LONRF1: variants seen among roughly 807,000 people sequenced by gnomAD.
The protein encoded by LONRF1 is LON peptidase N-terminal domain and ring finger 1.
Under a neutral mutation model 85.8 loss-of-function variants are expected in LONRF1, and 37 were observed. The ratio of observed to expected loss-of-function variants is 0.43; its 90% CI spans 0.33 to 0.57. The LOEUF (loss-of-function observed/expected upper bound fraction) is 0.57. LONRF1 is among the 20% of genes least tolerant of loss of function. The pLI, the probability that LONRF1 is intolerant of heterozygous loss-of-function variation, is 0.04. For synonymous variants in LONRF1, 517 were observed against 390.1 expected (o/e 1.33, Z -3.83); for missense variants, 1,036 against 978.0 (o/e 1.06, Z -0.79).
chr8:12,745,518 T>G (rs1403842704), intron 1 of LONRF1, among the ~76,000 whole-genome samples: 1 of 152,146 alleles, frequency 6.6e-6, no homozygotes, highest in Non-Finnish European at 1.5e-5. Flanking sequence ...TGGCTATCAG[T>G]CCTGACTGTA....
In LONRF1 at chr8:12,736,996, G is replaced by T; in HGVS notation, c.1258C>A (p.Gln420Lys). 3 of 1,613,324 alleles carry T rather than the reference G, an allele frequency of 1.9e-6. No individual in the cohort carries two copies. The highest frequency in any genetic ancestry group is 2.5e-6 in the Non-Finnish European group (3 of 1,179,664). Residue 420 changes from glutamine to lysine, a missense_variant, in exon 5 of 12, where the codon CAA becomes AAA. Gln to Lys is a moderately conservative substitution (Grantham distance 53). Around this residue, in one of 3 missense-constraint regions of LONRF1, gnomAD observed 742 missense variants for 614.4 expected, o/e 1.21. Coordinates refer to ENST00000398246, the MANE Select transcript of LONRF1 (RefSeq NM_152271.5). ...RVSSEPVLSVQEKGVLLKRKL... is the reference protein window; with the variant it reads ...RVSSEPVLSVKEKGVLLKRKL... ...CTTTTCAGCAGAACACCTTTTTCTTGAACTGACAGAACAGGTTCTGAGGAC... is the reference window on the plus strand; with the variant it reads ...CTTTTCAGCAGAACACCTTTTTCTTTAACTGACAGAACAGGTTCTGAGGAC...
intron 8 of LONRF1, 29 bp downstream of exon 8, chr8:12,731,707 C>A (rs766647380): frequency 1.3e-6 from 2 of 1,594,844 alleles, no homozygotes; most frequent in Non-Finnish European, 1.7e-6. Context: ...GGTAGTAGTT[C>A]ATAATTTTTT....
chr8:12,736,867 TTATTTTA>T (rs1202837553), intron 5 of LONRF1, 26 bp downstream of exon 5: 1 of 1,572,082 alleles, frequency 6.4e-7, no homozygotes, highest in African/African-American at 1.4e-5. Flanking sequence ...CTAAATAAAT[TTATTTTA>T]TATAAGTGTA....
At position 12,728,935 on chromosome 8, in the gene LONRF1, C is replaced by A. The variant is rs752753061; in HGVS notation, c.1976G>T (p.Cys659Phe). The A allele has an allele frequency of 6.2e-7, 1 of 1,613,978 alleles. No homozygotes were observed. Among genetic ancestry groups the A allele is most frequent in the Non-Finnish European group, 8.5e-7 (1 of 1,179,870 alleles). Residue 659 changes from cysteine (C) to phenylalanine (F), a missense_variant, in exon 10 of 12, where the codon TGC becomes TTC. Cys to Phe is a radical substitution (Grantham distance 205, BLOSUM62 -2). This residue lies in a region of LONRF1 where 265 missense variants were observed against 301.5 expected (regional missense o/e 0.88). Coordinates refer to ENST00000398246, the MANE Select transcript of LONRF1 (RefSeq NM_152271.5). Reference sequence around the variant, plus strand: ...TTCCAGATATTCAATGTCGGCAGTGCAATATCCATCTTTCATTCCTCTTTT... The same window carrying A: ...TTCCAGATATTCAATGTCGGCAGTGAAATATCCATCTTTCATTCCTCTTTT... ...VLKRGMKDGY[C>F]TADIEYLEDV...
At position 12,755,062 on chromosome 8, in the gene LONRF1, A is replaced by T; in HGVS notation, c.359T>A (p.Leu120His). The T allele has an allele frequency of 6.8e-7, 1 of 1,475,124 alleles. No homozygotes were observed. The highest frequency in any genetic ancestry group is 8.9e-7 in the Non-Finnish European group (1 of 1,118,704). The allele number at this position is 1,475,124 out of a possible 1,614,324, so 91.4% of individuals were successfully genotyped here. A position where few individuals can be genotyped will look rare whatever the true frequency, so the allele number is the denominator to read the frequency against. Residue 120 changes from leucine (L) to histidine (H), a missense_variant, in exon 1 of 12, where the codon CTC becomes CAC. This residue lies in a region of LONRF1 where 742 missense variants were observed against 614.4 expected (regional missense o/e 1.21). Transcript: ENST00000398246. ...GCCCCGGCAGCCCAGGCATCTGAGG[A>T]GCCCGCCGGCGCCGCCGTCAGCGCC... ...VAGADGGAGG[L>H]LRCLGCRGFL...
intron 8 of LONRF1, 185 bp from the exon 9 acceptor site, chr8:12,729,517 A>T (rs1013559427): frequency 7.3e-6 from 4 of 551,194 alleles, no homozygotes; most frequent in Admixed American, 6.8e-5. Flanking sequence ...CTAAGCTCAC[A>T]CTGATGAAAT....
At chr8:12,746,852 G>A (rs540308241) in intron 1 of LONRF1, among the ~76,000 whole-genome samples, 46 of 152,274 alleles carry the variant, frequency 3.0e-4, no homozygotes, top group African/African-American at 9.9e-4. Flanking sequence ...CTATTAATAT[G>A]TTGGTAACAG....
intron 11 of LONRF1, among the ~76,000 whole-genome samples, chr8:12,725,079 T>C (rs952250438): frequency 1.3e-5 from 2 of 152,248 alleles, no homozygotes; most frequent in Non-Finnish European, 2.9e-5. Context: ...AGTAAGTCTA[T>C]GATCAGATTT....
At chr8:12,726,903 A>C (rs1798329120) in intron 10 of LONRF1, among the ~76,000 whole-genome samples, 1 of 152,176 alleles carries the variant, frequency 6.6e-6, no homozygotes. Flanking sequence ...TGTTTTTTGC[A>C]TAACAATGTG....
At chr8:12,744,218 C>T (rs767929471) in intron 1 of LONRF1, among the ~76,000 whole-genome samples, 14 of 151,984 alleles carry the variant, frequency 9.2e-5, no homozygotes, top group East Asian at 1.9e-4. Flanking sequence ...CAATAGCTGC[C>T]GGGTTTACTC....
Position 12,723,084 on chromosome 8 carries a change from C to T in LONRF1, c.*12G>A. ...GATTAGGGTCACTTTAAAGGGAGAT[C>T]CAAAGAGTTAGTTACTTAGATTGGT... On this transcript the variant is annotated 3_prime_UTR_variant, in exon 12 of 12. Transcript: ENST00000398246. 5 of 1,601,806 alleles carry T rather than the reference C, an allele frequency of 3.1e-6. No individual in the cohort carries two copies. Among genetic ancestry groups the T allele is most frequent in the South Asian group, 1.1e-5 (1 of 88,884 alleles).
At position 12,755,230 on chromosome 8, in the gene LONRF1, A is replaced by C; in HGVS notation, c.191T>G (p.Leu64Arg). Residue 64 changes from leucine to arginine, a missense_variant, in exon 1 of 12, where the codon CTG becomes CGG. By Grantham distance (102) the Leu-to-Arg change is moderately radical. Coordinates refer to ENST00000398246, the MANE Select transcript of LONRF1 (RefSeq NM_152271.5). ...CGCGAACGCCTCCAGCGCGCCCTTC[A>C]GGTGGCCGCCCAGCGCCAGCAGCTC... ...RGELLALGGHLKGALEAFAAA... is the reference protein window; with the variant it reads ...RGELLALGGHRKGALEAFAAA... 2 of 1,243,678 alleles carry C rather than the reference A, an allele frequency of 1.6e-6. No homozygotes were observed. The highest frequency in any genetic ancestry group is 2.0e-6 in the Non-Finnish European group (2 of 997,000). 77.0% of individuals were successfully genotyped at this position (1,243,678 alleles called of 1,614,324 possible).
intron 2 of LONRF1, among the ~76,000 whole-genome samples, chr8:12,742,154 C>T (rs531868281): frequency 4.4e-4 from 67 of 152,134 alleles, no homozygotes; most frequent in Non-Finnish European, 4.4e-4. Flanking sequence ...ACACTGACCA[C>T]TGCCCTCTTA....
chr8:12,755,019 C>T lies in LONRF1; in HGVS notation c.402G>A (p.Val134=), dbSNP rs1489107277. 2 of 1,491,648 alleles carry T rather than the reference C, an allele frequency of 1.3e-6. No homozygotes were observed. The highest frequency in any genetic ancestry group is 2.2e-5 in the Admixed American group (1 of 45,934). The allele number at this position is 1,491,648 out of a possible 1,614,324, so 92.4% of individuals were successfully genotyped here. Residue 134 remains valine, a synonymous_variant, in exon 1 of 12, where the codon GTG becomes GTA. Coordinates refer to ENST00000398246, the MANE Select transcript of LONRF1 (RefSeq NM_152271.5). ...AGTAGCTGTGGCCACAGGGCACGGT[C>T]ACCGGCTCGCTCAGGAAGCCCCGGC... ...LGCRGFLSEP[V]TVPCGHSYCR... is the part of the protein sequence containing the mutation.
At chr8:12,737,299 G>C in intron 4 of LONRF1, 159 bp from the exon 5 acceptor site, 1 of 943,648 alleles carries the variant, frequency 1.1e-6, no homozygotes, top group Non-Finnish European at 1.7e-6. Flanking sequence ...ACAAGTAAAT[G>C]ATTTTTGCCA....
chr8:12,730,431 C>T (rs760241705), intron 8 of LONRF1, among the ~76,000 whole-genome samples: 19 of 151,804 alleles, frequency 1.3e-4, no homozygotes, highest in Non-Finnish European at 2.4e-4. Flanking sequence ...TCAAAATGAC[C>T]ATCAATTACT....
At position 12,727,028 on chromosome 8, in the gene LONRF1, AG is replaced by A. The variant is rs564641225; in HGVS notation, c.2011-1150del. On this transcript the variant is annotated intron_variant, in intron 10 of 11. Transcript: ENST00000398246. ...AAAGGTAGAGGAGCCACACAATTGA[AG>A]AATTTTGGTCCTGAAATGACTATAC... Among the ~76,000 whole-genome samples the A allele has an allele frequency of 4.6e-4, 70 of 152,072 alleles. No homozygotes were observed. The South Asian group carries it at 6.6e-3, about 14-fold the overall frequency.
chr8:12,751,060 T>C (rs1799364585), intron 1 of LONRF1, among the ~76,000 whole-genome samples: 1 of 152,142 alleles, frequency 6.6e-6, no homozygotes, highest in Non-Finnish European at 1.5e-5. Context: ...TTAGGCAACG[T>C]GCACAAGGTC....
chr8:12,742,274 G>A (rs1389792028), intron 2 of LONRF1, among the ~76,000 whole-genome samples: 1 of 152,158 alleles, frequency 6.6e-6, no homozygotes. Flanking sequence ...TGTCCTCAAA[G>A]ACACAGTTTT....
Sources: gnomAD v4.1 joint callset for allele counts (sites outside exome capture counted in the v4.1 genomes callset) on GRCh38, gnomAD v4.1.1 for gene constraint, gnomAD v4.1.1 regional missense constraint, MANE v1.5 for transcripts, NCBI Gene and HGNC (gene_info 2026-07-23, HGNC 2026-07-21) for gene names.